Variants in EBF1 observed in about 807,000 individuals in gnomAD.
EBF1 encodes EBF transcription factor 1.
Under a neutral mutation model 68.4 loss-of-function variants are expected in EBF1, and 10 were observed. The observed-to-expected ratio is 0.15, with a 90% CI of 0.09 to 0.25. The LOEUF (loss-of-function observed/expected upper bound fraction) is 0.25, where lower values mean the gene tolerates loss of function less well. Ranked by LOEUF, EBF1 falls within the 10% of genes least tolerant of loss-of-function variation. EBF1 has a pLI of 1.00. For missense variants in EBF1, 509 were observed against 794.4 expected (o/e 0.64, Z 4.32); for synonymous variants, 298 against 299.8 (o/e 0.99, Z 0.06).
intron 6 of EBF1, among the ~76,000 whole-genome samples, chr5:158,959,491 C>T (rs1426785216): frequency 2.6e-5 from 4 of 152,062 alleles, no homozygotes; most frequent in Admixed American, 2.0e-4. Flanking sequence ...GGGGTTTCAC[C>T]ATGTTGACCA....
intron 6 of EBF1, among the ~76,000 whole-genome samples, chr5:158,957,078 T>C (rs1185866263): frequency 6.6e-6 from 1 of 152,140 alleles, no homozygotes; most frequent in Non-Finnish European, 1.5e-5. Flanking sequence ...CAGCTCCCAA[T>C]TACTAAGAAC....
At position 158,818,062 on chromosome 5, in the gene EBF1, A is replaced by G. The variant is rs574766934; in HGVS notation, c.778+5114T>C. ...GCACCATAAAATAGTACATGCTAAAAGGAAGCCTAGAGAGGACCCCACCTG... is the reference window on the plus strand; with the variant it reads ...GCACCATAAAATAGTACATGCTAAAGGGAAGCCTAGAGAGGACCCCACCTG... On this transcript the variant is annotated intron_variant, in intron 8 of 15. Transcript: ENST00000313708. Among the ~76,000 whole-genome samples, 93 of 152,294 alleles carry G rather than the reference A, an allele frequency of 6.1e-4. 1 individual carries two copies. Among genetic ancestry groups the G allele is most frequent in the Non-Finnish European group, 1.1e-3 (75 of 68,020 alleles).
At chr5:158,876,587 AAAC>A (rs1407526755) in intron 6 of EBF1, among the ~76,000 whole-genome samples, 1 of 152,216 alleles carries the variant, frequency 6.6e-6, no homozygotes, top group Non-Finnish European at 1.5e-5. Context: ...ACTTCAGGAA[AAAC>A]AACATCTTTC....
chr5:158,780,284 G>A (rs1056166541), intron 9 of EBF1, among the ~76,000 whole-genome samples: 1 of 152,146 alleles, frequency 6.6e-6, no homozygotes, highest in Admixed American at 6.6e-5. Context: ...GAGGGACAGG[G>A]TCTAGATCTA....
At chr5:158,891,103 G>A (rs1012998374) in intron 6 of EBF1, among the ~76,000 whole-genome samples, 1 of 152,190 alleles carries the variant, frequency 6.6e-6, no homozygotes, top group Non-Finnish European at 1.5e-5. Flanking sequence ...TGAAGTTCAC[G>A]ATTTCCCACG....
intron 6 of EBF1, among the ~76,000 whole-genome samples, chr5:158,952,982 T>C (rs1179120524): frequency 2.0e-5 from 3 of 152,042 alleles, no homozygotes; most frequent in Non-Finnish European, 4.4e-5. Flanking sequence ...AGGAAACTTG[T>C]TTAAAAATCC....
At chr5:158,793,391 CAT>C (rs1455425470) in intron 9 of EBF1, among the ~76,000 whole-genome samples, 2 of 152,198 alleles carry the variant, frequency 1.3e-5, no homozygotes, top group Non-Finnish European at 2.9e-5. Context: ...AAAAGGCACT[CAT>C]GTAATTTTAT....
intron 6 of EBF1, among the ~76,000 whole-genome samples, chr5:158,850,389 C>T (rs545113142): frequency 3.3e-5 from 5 of 152,268 alleles, no homozygotes; most frequent in Admixed American, 2.6e-4. Context: ...CAACAGACAA[C>T]CCAGTCCCTT....
chr5:158,821,420 A>C (rs1041456211), intron 8 of EBF1, among the ~76,000 whole-genome samples: 1 of 152,178 alleles, frequency 6.6e-6, no homozygotes, highest in Non-Finnish European at 1.5e-5. Context: ...GCCTGGTGTC[A>C]GGAGCTTTCT....
intron 6 of EBF1, among the ~76,000 whole-genome samples, chr5:158,896,022 G>A (rs2127262156): frequency 6.6e-6 from 1 of 152,282 alleles, no homozygotes. Context: ...TAACAAGGAA[G>A]AGAAAAATTA....
At chr5:159,051,205 T>A (rs1369793831) in intron 6 of EBF1, among the ~76,000 whole-genome samples, 3 of 149,964 alleles carry the variant, frequency 2.0e-5, no homozygotes, top group African/African-American at 7.3e-5. Context: ...AAGGGTTCCT[T>A]TTTTTTTTAT....
At position 158,708,127 on chromosome 5, in the gene EBF1, G is replaced by A; in HGVS notation, c.1596C>T (p.Ser532=). 2 of 1,590,454 alleles carry A rather than the reference G, an allele frequency of 1.3e-6. No homozygotes were observed. Among genetic ancestry groups the A allele is most frequent in the East Asian group, 2.3e-5 (1 of 44,120 alleles). ...PTMASSTSLP[S]NCSSSSGIFS... is the part of the protein sequence containing the mutation. ...AGATGCCCGAGGAGCTGCTGCAGTTGGAGGGGAGGCTTGTGGAGGAGGCCA... is the reference window on the plus strand; with the variant it reads ...AGATGCCCGAGGAGCTGCTGCAGTTAGAGGGGAGGCTTGTGGAGGAGGCCA... The change falls in exon 15 of 16, where the codon TCC becomes TCT. Residue 532 remains serine (S), a synonymous_variant. Coordinates refer to ENST00000313708, the MANE Select transcript of EBF1 (RefSeq NM_024007.5).
intron 6 of EBF1, among the ~76,000 whole-genome samples, chr5:158,913,603 C>A (rs1465061179): frequency 6.6e-6 from 1 of 152,050 alleles, no homozygotes; most frequent in East Asian, 1.9e-4. Flanking sequence ...TAACTGGACT[C>A]TGCACCAGTT....
intron 6 of EBF1, among the ~76,000 whole-genome samples, chr5:158,889,258 C>A (rs896029717): frequency 1.3e-5 from 2 of 152,064 alleles, no homozygotes; most frequent in Admixed American, 6.6e-5. Flanking sequence ...ATGGGGATGG[C>A]AAGTGGTGAG....
At chr5:158,961,252 C>T (rs1175718745) in intron 6 of EBF1, among the ~76,000 whole-genome samples, 2 of 151,964 alleles carry the variant, frequency 1.3e-5, no homozygotes, top group Non-Finnish European at 2.9e-5. Context: ...GGCAATTTAG[C>T]CACATATATC....
intron 9 of EBF1, among the ~76,000 whole-genome samples, chr5:158,786,188 C>T (rs1373878609): frequency 6.6e-6 from 1 of 152,050 alleles, no homozygotes. Context: ...TTTTTACTTT[C>T]CACCACAAAC....
intron 6 of EBF1, among the ~76,000 whole-genome samples, chr5:158,892,076 A>G (rs994084223): frequency 2.0e-5 from 3 of 151,966 alleles, no homozygotes; most frequent in African/African-American, 4.8e-5. Context: ...TTTTATTCCT[A>G]TATGCACACA....
chr5:159,044,930 GT>G (rs1772029608), intron 6 of EBF1, among the ~76,000 whole-genome samples: 1 of 152,080 alleles, frequency 6.6e-6, no homozygotes, highest in Admixed American at 6.6e-5. Flanking sequence ...AATCTTCAAT[GT>G]ACCAGAGCTA....
intron 4 of EBF1, among the ~76,000 whole-genome samples, chr5:159,094,698 G>C (rs1260856767): frequency 6.6e-6 from 1 of 152,074 alleles, no homozygotes; most frequent in African/African-American, 2.4e-5. Context: ...CTAAATTGCT[G>C]GTTAGTACAC....
Sources: gnomAD v4.1 joint callset for allele counts (sites outside exome capture counted in the v4.1 genomes callset) on GRCh38, gnomAD v4.1.1 for gene constraint, MANE v1.5 for transcripts, NCBI Gene and HGNC (gene_info 2026-07-23, HGNC 2026-07-21) for gene names.